ZDHHC13: variants seen among roughly 807,000 people sequenced by gnomAD.
ZDHHC13 encodes the protein zDHHC palmitoyltransferase 13, also known as palmitoyltransferase ZDHHC13.
ZDHHC13 carries 85 observed loss-of-function variants against 86.0 expected under a neutral mutation model. The ratio of observed to expected loss-of-function variants is 0.99; its 90% CI spans 0.83 to 1.18. The LOEUF (loss-of-function observed/expected upper bound fraction) is 1.18, where lower values mean the gene tolerates loss of function less well. Ranked by LOEUF, ZDHHC13 falls within the 50% of genes most tolerant of loss-of-function variation. The pLI is 0.00. For synonymous variants in ZDHHC13, 263 were observed against 246.4 expected (o/e 1.07, Z -0.63); for missense variants, 711 against 730.2 (o/e 0.97, Z 0.30).
chr11:19,168,847 A>G (rs1850142659), intron 14 of ZDHHC13: 4 of 985,434 alleles, frequency 4.1e-6, no homozygotes, highest in South Asian at 9.4e-5. Flanking sequence ...GGTGGATAGT[A>G]AGTGACTCCA....
At chr11:19,172,104 G>A (rs187221926) in intron 15 of ZDHHC13, among the ~76,000 whole-genome samples, 51 of 152,090 alleles carry the variant, frequency 3.4e-4, no homozygotes, top group African/African-American at 1.1e-3. Context: ...ACAGAGTTTC[G>A]CTCTTTCACC....
At chr11:19,145,404 ATCTT>A (rs1849433805) in intron 2 of ZDHHC13, among the ~76,000 whole-genome samples, 1 of 152,116 alleles carries the variant, frequency 6.6e-6, no homozygotes, top group Non-Finnish European at 1.5e-5. Flanking sequence ...CTCCAATGCG[ATCTT>A]TCTTAAAACT....
chr11:19,138,884 C>T (rs1335291523), intron 1 of ZDHHC13, among the ~76,000 whole-genome samples: 1 of 151,956 alleles, frequency 6.6e-6, no homozygotes. Flanking sequence ...TAAAAACTCT[C>T]AATAAATTAG....
In ZDHHC13 at chr11:19,176,172, T is replaced by TAA. The variant is rs375550311; in HGVS notation, c.*221_*222dup. On this transcript the variant is annotated 3_prime_UTR_variant, in exon 17 of 17. Coordinates refer to ENST00000446113, the MANE Select transcript of ZDHHC13 (RefSeq NM_019028.3). ...TTTCTGATAAATCTTGGCAGACATCTAAAAAAAAAACCATATTTTTCACAA... is the reference window on the plus strand; with the variant it reads ...TTTCTGATAAATCTTGGCAGACATCTAAAAAAAAAAAACCATATTTTTCACAA... 5.8e-4 allele frequency: 206 copies of TAA among 354,300 alleles called. 1 individual carries two copies. The highest frequency in any genetic ancestry group is 3.3e-3 in the African/African-American group (154 of 46,196). 21.9% of individuals were successfully genotyped at this position (354,300 alleles called of 1,614,324 possible).
intron 10 of ZDHHC13, among the ~76,000 whole-genome samples, chr11:19,162,839 C>G (rs1304110635): frequency 1.3e-5 from 2 of 152,228 alleles, no homozygotes; most frequent in South Asian, 2.1e-4. Flanking sequence ...CACAAAGGAT[C>G]TTGCCCTATG....
intron 1 of ZDHHC13, among the ~76,000 whole-genome samples, chr11:19,137,026 A>G (rs1849161659): frequency 6.6e-6 from 1 of 152,162 alleles, no homozygotes; most frequent in African/African-American, 2.4e-5. Context: ...CAAAATAACC[A>G]GCTAACATCA....
At chr11:19,133,531 T>C (rs935563346) in intron 1 of ZDHHC13, among the ~76,000 whole-genome samples, 3 of 152,126 alleles carry the variant, frequency 2.0e-5, no homozygotes, top group Non-Finnish European at 4.4e-5. Flanking sequence ...TTAATTGTAG[T>C]ATGTTACTGT....
chr11:19,118,405 G>GA (rs149195112), intron 1 of ZDHHC13, among the ~76,000 whole-genome samples: 1 of 151,954 alleles, frequency 6.6e-6, no homozygotes, highest in Admixed American at 6.5e-5. Flanking sequence ...AATTTTAACA[G>GA]AAAAAAAATA....
chr11:19,147,490 A>T, intron 3 of ZDHHC13, 106 bp from the exon 4 acceptor site: 2 of 953,934 alleles, frequency 2.1e-6, no homozygotes, highest in Admixed American at 2.4e-5. Context: ...TTACTATCAT[A>T]ATTTGTTCTC....
intron 10 of ZDHHC13, among the ~76,000 whole-genome samples, chr11:19,161,105 CT>C (rs1266390685): frequency 6.6e-6 from 1 of 151,846 alleles, no homozygotes; most frequent in East Asian, 1.9e-4. Context: ...TTGGAACTGC[CT>C]TGTGGATGAA....
At chr11:19,154,527 A>G (rs1849704207) in intron 8 of ZDHHC13, among the ~76,000 whole-genome samples, 2 of 152,340 alleles carry the variant, frequency 1.3e-5, no homozygotes, top group East Asian at 1.9e-4. Context: ...AGCCCTGCTT[A>G]CTTTCAAGGT....
intron 1 of ZDHHC13, among the ~76,000 whole-genome samples, chr11:19,123,018 A>T (rs558152016): frequency 1.1e-4 from 16 of 152,328 alleles, no homozygotes; most frequent in Admixed American, 7.8e-4. Context: ...ATCATATATA[A>T]TCACATATTG....
chr11:19,134,590 A>G (rs1171602466), intron 1 of ZDHHC13, among the ~76,000 whole-genome samples: 2 of 152,302 alleles, frequency 1.3e-5, no homozygotes, highest in East Asian at 3.9e-4. Context: ...CATCATTCTC[A>G]GCAAAGTAAC....
intron 1 of ZDHHC13, among the ~76,000 whole-genome samples, chr11:19,127,073 A>G (rs780024248): frequency 8.5e-4 from 129 of 152,296 alleles, no homozygotes; most frequent in Middle Eastern, 3.4e-3. Context: ...ACTCCCATCA[A>G]CAGTGTATAA....
intron 1 of ZDHHC13, among the ~76,000 whole-genome samples, chr11:19,121,121 C>T (rs1232412774): frequency 6.6e-6 from 1 of 152,158 alleles, no homozygotes; most frequent in Non-Finnish European, 1.5e-5. Flanking sequence ...CTAGTCTAGC[C>T]CTTTAACTTT....
intron 16 of ZDHHC13, 70 bp from the exon 17 acceptor site, chr11:19,175,752 C>A (rs867519273): frequency 6.0e-5 from 93 of 1,554,366 alleles, no homozygotes; most frequent in Middle Eastern, 3.3e-4. Context: ...ATTATAGATT[C>A]TCCATAAATG....
Position 19,165,057 on chromosome 11 carries a change from G to A in ZDHHC13, c.1302G>A (p.Arg434=), listed in dbSNP as rs567374015. 1.1e-5 allele frequency: 18 copies of A among 1,612,072 alleles called. No individual in the cohort carries two copies. The highest frequency in any genetic ancestry group is 2.2e-5 in the South Asian group (2 of 90,564). ...FRTFCTSCLI[R]KPLRSLHCHV... ...TCTCTTAATTGCCCACTTAGATAAG[G>A]AAGCCATTAAGGTCACTCCACTGCC... Residue 434 remains arginine (R), a synonymous_variant, in exon 13 of 17, where the codon AGG becomes AGA. Transcript: ENST00000446113.
chr11:19,152,497 A>T, intron 7 of ZDHHC13, 62 bp from the exon 8 acceptor site: 1 of 1,490,310 alleles, frequency 6.7e-7, no homozygotes, highest in Non-Finnish European at 8.9e-7. Context: ...TTTTTAAAAA[A>T]AGTTTAGCAC....
intron 1 of ZDHHC13, among the ~76,000 whole-genome samples, chr11:19,138,278 C>T (rs1590068401): frequency 6.6e-6 from 1 of 151,994 alleles, no homozygotes; most frequent in South Asian, 2.1e-4. Context: ...GAGAATACTA[C>T]AAACACCTCT....
Sources: gnomAD v4.1 joint callset for allele counts (sites outside exome capture counted in the v4.1 genomes callset) on GRCh38, gnomAD v4.1.1 for gene constraint, MANE v1.5 for transcripts, NCBI Gene and HGNC (gene_info 2026-07-23, HGNC 2026-07-21) for gene names.